RRP1: variants seen among roughly 807,000 people sequenced by gnomAD.
The protein encoded by RRP1 is ribosomal RNA processing 1, also known as ribosomal RNA processing protein 1 homolog A.
RRP1 carries 37 observed loss-of-function variants against 54.6 expected under a neutral mutation model. The observed-to-expected ratio is 0.68, with a 90% CI of 0.52 to 0.89. RRP1 has a LOEUF of 0.89. RRP1 is among the 40% of genes least tolerant of loss of function. The pLI, the probability that RRP1 is intolerant of heterozygous loss-of-function variation, is 0.00. For synonymous variants in RRP1, 262 were observed against 244.3 expected (o/e 1.07, Z -0.67); for missense variants, 639 against 612.5 (o/e 1.04, Z -0.46).
rs556552855 is a variant in RRP1, at chr21:43,800,314, C to T, written c.892-203C>T. 9.9e-5 allele frequency among the ~76,000 whole-genome samples: 15 copies of T among 152,226 alleles called. No homozygotes were observed. In the South Asian group the frequency reaches 2.9e-3, roughly 29 times the overall value. ...GCCCCGCAGTGCGTGCCCCGCAGTGCGCCCGCAGCTTGTGTGGTGCCCGCT... is the reference window on the plus strand; with the variant it reads ...GCCCCGCAGTGCGTGCCCCGCAGTGTGCCCGCAGCTTGTGTGGTGCCCGCT... On this transcript the variant is annotated intron_variant, in intron 9 of 12. Transcript: ENST00000497547.
In RRP1 at chr21:43,789,611, G is replaced by T; in HGVS notation, c.-19G>T. On this transcript the variant is annotated 5_prime_UTR_variant, in exon 1 of 13. Coordinates refer to ENST00000497547, the MANE Select transcript of RRP1 (RefSeq NM_003683.6). ...GGTACCAGGCGACTCCGGGACAGGG[G>T]GTCTCGGCCGTCGGCGTCATGGTTT... 6.3e-7 allele frequency: 1 copy of T among 1,585,538 alleles called. No individual in the cohort carries two copies. The highest frequency in any genetic ancestry group is 1.1e-5 in the South Asian group (1 of 87,496).
At chr21:43,802,227 A>G in intron 11 of RRP1, 47 bp from the exon 12 acceptor site, 1 of 1,414,694 alleles carries the variant, frequency 7.1e-7, no homozygotes, top group South Asian at 1.2e-5. Flanking sequence ...CTCAAACCAT[A>G]AGTCCCCAGC....
rs374415718 is a variant in RRP1, at chr21:43,798,652, T to A, written c.811+552T>A. On this transcript the variant is annotated intron_variant, in intron 8 of 12. Transcript: ENST00000497547. The stretch of plus-strand genomic sequence containing the variant: ...GCACCTGACTGCTCTGTGTGCAGTG[T>A]GTGTGAGGGGCAGGTGTACTCACCT... Among the ~76,000 whole-genome samples the A allele has an allele frequency of 2.6e-4, 40 of 152,140 alleles. No individual in the cohort carries two copies. The East Asian group carries it at 6.0e-3, about 23-fold the overall frequency.
In RRP1 at chr21:43,799,446, C is replaced by T. The variant is rs538882777; in HGVS notation, c.812-124C>T. 17 of 985,764 alleles carry T rather than the reference C, an allele frequency of 1.7e-5. No homozygotes were observed. The African/African-American group carries it at 2.1e-4, about 12-fold the overall frequency. The allele number at this position is 985,764 out of a possible 1,614,324, so 61.1% of individuals were successfully genotyped here. A position where few individuals can be genotyped will look rare whatever the true frequency, so the allele number is the denominator to read the frequency against. On this transcript the variant is annotated intron_variant, in intron 8 of 12. Coordinates refer to ENST00000497547, the MANE Select transcript of RRP1 (RefSeq NM_003683.6). ...GGGTGCAGGGTGGGCTGTCCGTTCC[C>T]GGGTGTTTCCCGCCTGTGCCCGTGC...
rs768764518 is a variant in RRP1 at position 43,793,358 on chromosome 21, G to A, written c.314G>A (p.Arg105His). 6.8e-6 allele frequency: 11 copies of A among 1,613,932 alleles called. No homozygotes were observed. The highest frequency in any genetic ancestry group is 5.0e-5 in the Admixed American group (3 of 60,004). ...CAGGCCTTCTGGCAGACCATGAATC[G>A]CGAGTGGACGGGCATTGACAGGCTG... is the stretch of plus-strand genomic sequence containing the variant. ...FLQAFWQTMN[R>H]EWTGIDRLRL... Residue 105 changes from arginine to histidine, a missense_variant, in exon 4 of 13, where the codon CGC becomes CAC. Physicochemically the swap from Arg to His is conservative, Grantham distance 29. Coordinates refer to ENST00000497547, the MANE Select transcript of RRP1 (RefSeq NM_003683.6).
At chr21:43,801,664 G>A (rs2085093020) in intron 11 of RRP1, among the ~76,000 whole-genome samples, 1 of 152,136 alleles carries the variant, frequency 6.6e-6, no homozygotes, top group African/African-American at 2.4e-5. Context: ...TAGAGACAGG[G>A]TTTCGCTGTG....
At position 43,803,825 on chromosome 21, in the gene RRP1, C is replaced by T. The variant is rs766303349; in HGVS notation, c.*51C>T. 3.3e-5 allele frequency: 50 copies of T among 1,503,378 alleles called. No homozygotes were observed. Among genetic ancestry groups the T allele is most frequent in the African/African-American group, 2.5e-4 (18 of 72,612 alleles). The allele number at this position is 1,503,378 out of a possible 1,614,324, so 93.1% of individuals were successfully genotyped here. A position where few individuals can be genotyped will look rare whatever the true frequency, so the allele number is the denominator to read the frequency against. On this transcript the variant is annotated 3_prime_UTR_variant, in exon 13 of 13. Transcript: ENST00000497547. ...GAGGGAGGCCAGGCCTCGCTTGCAC[C>T]GCGGGACGAGGCTGACCGGGCTGTT... is the stretch of plus-strand genomic sequence containing the variant.
At chr21:43,795,721 GTA>G (rs1252537998) in intron 5 of RRP1, among the ~76,000 whole-genome samples, 1 of 152,172 alleles carries the variant, frequency 6.6e-6, no homozygotes, top group African/African-American at 2.4e-5. Context: ...CGTAATTTTT[GTA>G]TCTTTTTTTG....
intron 2 of RRP1, among the ~76,000 whole-genome samples, chr21:43,792,334 T>C (rs2084968831): frequency 6.6e-6 from 1 of 152,130 alleles, no homozygotes; most frequent in African/African-American, 2.4e-5. Flanking sequence ...GTCCCAAGGC[T>C]CCCTTCCGCT....
rs909008683 is a variant in RRP1, at chr21:43,805,233, G to A, written c.*1459G>A. On this transcript the variant is annotated 3_prime_UTR_variant, in exon 13 of 13. Coordinates refer to ENST00000497547, the MANE Select transcript of RRP1 (RefSeq NM_003683.6). Reference sequence around the variant, plus strand: ...AGAGGTTGTGGTGAGCTAAGATCACGCCATTGCACTCCAGCCTGGGCAACG... The same window carrying A: ...AGAGGTTGTGGTGAGCTAAGATCACACCATTGCACTCCAGCCTGGGCAACG... 1.3e-5 allele frequency: 2 copies of A among 148,998 alleles called. No homozygotes were observed. Among genetic ancestry groups the A allele is most frequent in the Non-Finnish European group, 3.0e-5 (2 of 67,762 alleles). 9.2% of individuals were successfully genotyped at this position (148,998 alleles called of 1,614,324 possible).
intron 5 of RRP1, 118 bp downstream of exon 5, chr21:43,795,368 A>T (rs554349837): frequency 4.3e-6 from 4 of 934,146 alleles, no homozygotes; most frequent in South Asian, 2.6e-5. Context: ...CATGCCCCCA[A>T]TCGTGCTTAG....
In RRP1 at chr21:43,802,376, A is replaced by G. The variant is rs2085103792; in HGVS notation, c.1112A>G (p.Gln371Arg). Reference sequence around the variant, plus strand: ...AAGCAGAAGCGTCTGCTCAGGTTGCAGCAGGAGAGAGGTAGGACTAGGGGG... The same window carrying G: ...AAGCAGAAGCGTCTGCTCAGGTTGCGGCAGGAGAGAGGTAGGACTAGGGGG... ...TKKQKRLLRL[Q>R]QERGKGEKEP... Residue 371 changes from glutamine (Q) to arginine (R), a missense_variant, in exon 12 of 13, where the codon CAG becomes CGG. By Grantham distance (43) the Gln-to-Arg change is conservative. Transcript: ENST00000497547. The G allele has an allele frequency of 6.2e-7, 1 of 1,613,836 alleles. No homozygotes were observed. Among genetic ancestry groups the G allele is most frequent in the East Asian group, 2.2e-5 (1 of 44,880 alleles).
intron 8 of RRP1, among the ~76,000 whole-genome samples, chr21:43,798,725 G>T (rs532579201): frequency 8.5e-5 from 13 of 152,238 alleles, no homozygotes; most frequent in African/African-American, 2.9e-4. Context: ...GTGGGGTCCA[G>T]CCTGGCCCAT....
intron 1 of RRP1, chr21:43,790,675 C>T (rs1266853652): frequency 4.3e-6 from 1 of 234,340 alleles, no homozygotes; most frequent in Non-Finnish European, 8.6e-6. Context: ...GCAGCCTCTA[C>T]CTCCCAGGCT....
At chr21:43,800,475 C>T (rs373551831) in intron 9 of RRP1, 42 bp from the exon 10 acceptor site, 31 of 1,589,206 alleles carry the variant, frequency 2.0e-5, no homozygotes, top group African/African-American at 5.4e-5. Flanking sequence ...GCACGCAGAG[C>T]GTGGCTGACC....
At chr21:43,798,484 C>T (rs1272015504) in intron 8 of RRP1, among the ~76,000 whole-genome samples, 1 of 152,180 alleles carries the variant, frequency 6.6e-6, no homozygotes, top group Admixed American at 6.5e-5. Context: ...CAGCCCCCAA[C>T]GCAGTCCTCC....
chr21:43,802,475 C>A (rs1208952236), intron 12 of RRP1, 88 bp downstream of exon 12: 2 of 1,038,774 alleles, frequency 1.9e-6, no homozygotes, highest in Non-Finnish European at 3.0e-6. Flanking sequence ...AGTGTCTCCC[C>A]CTGAAGCATG....
chr21:43,795,088 G>C (rs2085004455), intron 4 of RRP1, 101 bp from the exon 5 acceptor site: 11 of 1,155,954 alleles, frequency 9.5e-6, no homozygotes, highest in Admixed American at 5.1e-5. Flanking sequence ...GGTCACCACG[G>C]CCATGACTTT....
rs536375078 is a variant in RRP1, at chr21:43,799,476, A to G, written c.812-94A>G. 5.3e-5 allele frequency: 71 copies of G among 1,331,862 alleles called. No homozygotes were observed. In the African/African-American group the frequency reaches 9.1e-4, roughly 17 times the overall value. The allele number at this position is 1,331,862 out of a possible 1,614,324, so 82.5% of individuals were successfully genotyped here. A position where few individuals can be genotyped will look rare whatever the true frequency, so the allele number is the denominator to read the frequency against. On this transcript the variant is annotated intron_variant, in intron 8 of 12. Transcript: ENST00000497547. ...GTTTCCCGCCTGTGCCCGTGCTCCG[A>G]CCAGGGTGCACGGAGCGGGCTCTCC... is the stretch of plus-strand genomic sequence containing the variant.
Sources: gnomAD v4.1 joint callset for allele counts (sites outside exome capture counted in the v4.1 genomes callset) on GRCh38, gnomAD v4.1.1 for gene constraint, MANE v1.5 for transcripts, NCBI Gene and HGNC (gene_info 2026-07-23, HGNC 2026-07-21) for gene names.